SPECC1: variants seen among roughly 807,000 people sequenced by gnomAD.
The protein encoded by SPECC1 is cytospin-B.
Under a neutral mutation model 104.1 loss-of-function variants are expected in SPECC1, and 62 were observed. The ratio of observed to expected loss-of-function variants is 0.60; its 90% confidence interval spans 0.49 to 0.74. The LOEUF is 0.74. Ranked by LOEUF, SPECC1 falls within the 30% of genes least tolerant of loss-of-function variation. The pLI is 0.00. For synonymous variants in SPECC1, 513 were observed against 501.6 expected, an observed-to-expected ratio of 1.02 and a Z score of -0.30; for missense variants, 1,306 against 1,310.5, an observed-to-expected ratio of 1.00 and a Z score of 0.05.
At chr17:20,150,097 C>A (rs554249375) in intron 3 of SPECC1, among the ~76,000 whole-genome samples, 22 of 151,676 alleles carry the variant, frequency 1.5e-4, no homozygotes, top group African/African-American at 4.8e-4. Flanking sequence ...CTCAGCCTCC[C>A]GAGTAGCTGG....
At chr17:20,163,304 A>G (rs1000371150) in intron 3 of SPECC1, among the ~76,000 whole-genome samples, 1 of 152,212 alleles carries the variant, frequency 6.6e-6, no homozygotes, top group African/African-American at 2.4e-5. Flanking sequence ...TTGTTATTCC[A>G]TATGTTCTAT....
intron 1 of SPECC1, among the ~76,000 whole-genome samples, chr17:20,030,468 T>C (rs2044764258): frequency 6.6e-6 from 1 of 152,140 alleles, no homozygotes; most frequent in Non-Finnish European, 1.5e-5. Flanking sequence ...TTACTATCTG[T>C]AGTAATTTCT....
rs759801874 is a variant in SPECC1 at position 20,246,026 on chromosome 17, A to G, written c.2452A>G (p.Thr818Ala). ...ATCTCCAACACCCCCAGAGTCGGCA[A>G]CCACCGTTAAGTCACTTATCAAGTC... ...RTSPTPPESA[T>A]TVKSLIKSFD... Residue 818 changes from threonine to alanine, a missense_variant, in exon 8 of 15, where the codon ACC becomes GCC. Physicochemically the swap from Thr to Ala is moderately conservative, Grantham distance 58. Transcript: ENST00000395527. 8 of 1,614,088 alleles carry G rather than the reference A, an allele frequency of 5.0e-6. No homozygotes were observed. The highest frequency in any genetic ancestry group is 1.6e-4 in the Middle Eastern group (1 of 6,084).
At chr17:20,251,070 T>C (rs546869790) in intron 9 of SPECC1, among the ~76,000 whole-genome samples, 1 of 151,562 alleles carries the variant, frequency 6.6e-6, no homozygotes, top group South Asian at 2.1e-4. Context: ...CTACTAAAAA[T>C]ACAAAAATTA....
intron 3 of SPECC1, among the ~76,000 whole-genome samples, chr17:20,151,830 C>G (rs546228160): frequency 6.6e-6 from 1 of 152,242 alleles, no homozygotes; most frequent in Non-Finnish European, 1.5e-5. Context: ...AGGTGGATCA[C>G]CTGAGGTCAG....
rs565132351 is a variant in SPECC1 at position 20,239,017 on chromosome 17, G to T, written c.2351+6612G>T. On this transcript the variant is annotated intron_variant, in intron 7 of 14. Coordinates refer to ENST00000395527, the MANE Select transcript of SPECC1 (RefSeq NM_001243439.2). ...TCACATCAAGTAACTAGAATTTGAG[G>T]TAGAAAAAAGCTGGATGTAAGTTGT... The T allele has an allele frequency of 2.2e-5, 23 of 1,035,040 alleles. No individual in the cohort carries two copies. In the South Asian group the frequency reaches 6.9e-4, roughly 31 times the overall value. 64.1% of individuals were successfully genotyped at this position (1,035,040 alleles called of 1,614,324 possible). A position where few individuals can be genotyped will look rare whatever the true frequency, so the allele number is the denominator to read the frequency against.
At chr17:20,083,662 G>C (rs1262650944) in intron 1 of SPECC1, among the ~76,000 whole-genome samples, 1 of 152,166 alleles carries the variant, frequency 6.6e-6, no homozygotes, top group Non-Finnish European at 1.5e-5. Flanking sequence ...GAGTTAGGTT[G>C]CTTGACTTTT....
intron 1 of SPECC1, among the ~76,000 whole-genome samples, chr17:20,020,976 C>G (rs916705218): frequency 6.6e-6 from 1 of 152,180 alleles, no homozygotes; most frequent in African/African-American, 2.4e-5. Context: ...GAAGCCTTAC[C>G]CATAATATAA....
intron 3 of SPECC1, among the ~76,000 whole-genome samples, chr17:20,198,182 C>T (rs1012101841): frequency 1.3e-5 from 2 of 152,206 alleles, no homozygotes; most frequent in South Asian, 4.1e-4. Flanking sequence ...CTGCTTAACA[C>T]CCAATATCAA....
intron 2 of SPECC1, among the ~76,000 whole-genome samples, chr17:20,109,281 C>A (rs2048370565): frequency 6.6e-6 from 1 of 152,228 alleles, no homozygotes; most frequent in African/African-American, 2.4e-5. Flanking sequence ...TCGCCCACTG[C>A]ATATCGACAT....
intron 3 of SPECC1, among the ~76,000 whole-genome samples, chr17:20,119,045 A>G (rs556240905): frequency 4.6e-5 from 7 of 152,374 alleles, no homozygotes; most frequent in Admixed American, 2.6e-4. Flanking sequence ...AAATAACTAC[A>G]TATCTACTAT....
At chr17:20,041,599 G>A (rs995905030) in intron 1 of SPECC1, among the ~76,000 whole-genome samples, 2 of 110,858 alleles carry the variant, frequency 1.8e-5, no homozygotes, top group Non-Finnish European at 3.9e-5. Context: ...TTTCAAGCAC[G>A]TTTGTAGTTG....
At chr17:20,271,749 T>C (rs939946554) in intron 12 of SPECC1, among the ~76,000 whole-genome samples, 8 of 151,846 alleles carry the variant, frequency 5.3e-5, no homozygotes, top group African/African-American at 1.7e-4. Context: ...CATCCTATTC[T>C]TTTTTTTCCC....
intron 3 of SPECC1, among the ~76,000 whole-genome samples, chr17:20,202,723 G>A (rs542297588): frequency 2.6e-5 from 4 of 152,172 alleles, no homozygotes; most frequent in African/African-American, 9.6e-5. Context: ...TCAACAATAG[G>A]CTATTAGTAG....
intron 7 of SPECC1, 170 bp downstream of exon 7, chr17:20,232,575 A>G (rs1455461029): frequency 1.4e-5 from 10 of 724,988 alleles, no homozygotes; most frequent in Middle Eastern, 3.9e-4. Flanking sequence ...TACAGTACCC[A>G]GTCCCTGCCA....
At chr17:20,227,779 G>C (rs1031965432) in intron 5 of SPECC1, among the ~76,000 whole-genome samples, 159 bp downstream of exon 5, 8 of 152,312 alleles carry the variant, frequency 5.3e-5, no homozygotes, top group African/African-American at 1.9e-4. Flanking sequence ...GCCGGGCGTG[G>C]TGGTGGGCGC....
chr17:20,263,133 G>A (rs1269582214), intron 12 of SPECC1, among the ~76,000 whole-genome samples: 1 of 151,614 alleles, frequency 6.6e-6, no homozygotes, highest in African/African-American at 2.4e-5. Context: ...ACCATGCCAT[G>A]AAGGAAGGCC....
At chr17:20,301,197 C>T (rs571882320) in intron 13 of SPECC1, among the ~76,000 whole-genome samples, 83 of 152,188 alleles carry the variant, frequency 5.5e-4, no homozygotes, top group Admixed American at 9.8e-4. Flanking sequence ...CAGGCAGACT[C>T]GTACCATATA....
intron 1 of SPECC1, among the ~76,000 whole-genome samples, chr17:20,042,553 G>A (rs550383367): frequency 1.3e-5 from 2 of 152,262 alleles, no homozygotes; most frequent in South Asian, 4.1e-4. Flanking sequence ...GATAAAAGTC[G>A]CAGTCCTTAC....
Sources: gnomAD v4.1 joint callset for allele counts (sites outside exome capture counted in the v4.1 genomes callset) on GRCh38, gnomAD v4.1.1 for gene constraint, MANE v1.5 for transcripts, NCBI Gene and HGNC (gene_info 2026-07-23, HGNC 2026-07-21) for gene names.